SYCE2: variants seen among roughly 807,000 people sequenced by gnomAD.
The protein encoded by SYCE2 is synaptonemal complex central element protein 2.
In SYCE2, 3 loss-of-function variants were observed where a neutral mutation model predicts 27.9. The observed-to-expected ratio is 0.11, with a 90% confidence interval of 0.05 to 0.28. The LOEUF (loss-of-function observed/expected upper bound fraction) is 0.28. SYCE2 is among the 10% of genes least tolerant of loss of function. The pLI is 1.00. For synonymous variants in SYCE2, 85 were observed against 100.7 expected (o/e 0.84, Z 0.93); for missense variants, 207 against 263.5 (o/e 0.79, Z 1.48).
intron 2 of SYCE2, among the ~76,000 whole-genome samples, chr19:12,917,065 CT>C (rs774437768): frequency 0.011 from 1,450 of 128,458 alleles, 16 homozygotes; most frequent in African/African-American, 0.033. Context: ...TATATATATA[CT>C]TTTTTTTTTT....
chr19:12,908,607 A>G (rs1970985908), intron 2 of SYCE2, among the ~76,000 whole-genome samples: 1 of 151,854 alleles, frequency 6.6e-6, no homozygotes, highest in Non-Finnish European at 1.5e-5. Flanking sequence ...TACAGGCGTG[A>G]GCCACCGCGC....
chr19:12,905,432 T>G (rs925257800), intron 2 of SYCE2, among the ~76,000 whole-genome samples: 2 of 151,752 alleles, frequency 1.3e-5, no homozygotes, highest in African/African-American at 4.8e-5. Flanking sequence ...CCCGGGTTCA[T>G]GCCATTCTCC....
chr19:12,914,904 C>T (rs886201485), intron 2 of SYCE2, among the ~76,000 whole-genome samples: 1 of 152,196 alleles, frequency 6.6e-6, no homozygotes, highest in Admixed American at 6.6e-5. Flanking sequence ...CCATCGTGCC[C>T]GGCCTGCAGC....
chr19:12,899,251 A>G lies in SYCE2; in HGVS notation c.*90T>C. Reference sequence around the variant, plus strand: ...TTCTGCCAAGATGCATTATAGAACCATGAAAAACAATTTCTCAGTGTGGCC... The same window carrying G: ...TTCTGCCAAGATGCATTATAGAACCGTGAAAAACAATTTCTCAGTGTGGCC... On this transcript the variant is annotated 3_prime_UTR_variant, in exon 6 of 6. Transcript: ENST00000293695. The G allele has an allele frequency of 1.6e-6, 2 of 1,228,466 alleles. No homozygotes were observed. The highest frequency in any genetic ancestry group is 2.4e-6 in the Non-Finnish European group (2 of 833,930). 76.1% of individuals were successfully genotyped at this position (1,228,466 alleles called of 1,614,324 possible).
intron 2 of SYCE2, among the ~76,000 whole-genome samples, chr19:12,906,821 T>G (rs1479246513): frequency 6.7e-6 from 1 of 149,800 alleles, no homozygotes; most frequent in Non-Finnish European, 1.5e-5. Context: ...GGTACAAGAA[T>G]CGCTTGAACT....
chr19:12,907,687 G>A (rs1019864070), intron 2 of SYCE2, among the ~76,000 whole-genome samples: 4 of 152,102 alleles, frequency 2.6e-5, no homozygotes, highest in African/African-American at 7.2e-5. Context: ...GCTACTAGGC[G>A]GACTGAGGCA....
chr19:12,914,329 C>G (rs1171765357), intron 2 of SYCE2: 1 of 152,158 alleles, frequency 6.6e-6, no homozygotes, highest in Non-Finnish European at 1.5e-5. Context: ...AGCCTCCCAC[C>G]ATTAGCCAAT....
intron 5 of SYCE2, 103 bp downstream of exon 5, chr19:12,899,901 G>T (rs1324968000): frequency 2.5e-6 from 4 of 1,601,074 alleles, no homozygotes; most frequent in Non-Finnish European, 2.6e-6. Flanking sequence ...CCTCCCATCT[G>T]GGGGTAGTGC....
chr19:12,904,422 C>A, intron 3 of SYCE2, 70 bp downstream of exon 3: 2 of 1,585,696 alleles, frequency 1.3e-6, no homozygotes, highest in Non-Finnish European at 1.7e-6. Flanking sequence ...GTACAACAGA[C>A]ACCATCAGTG....
chr19:12,899,638 T>C (rs1424694641), intron 5 of SYCE2: 3 of 1,612,286 alleles, frequency 1.9e-6, no homozygotes, highest in Non-Finnish European at 2.5e-6. Flanking sequence ...GAAAGGGAGG[T>C]GGCGGATGGA....
At chr19:12,916,301 C>A (rs1568439808) in intron 2 of SYCE2, among the ~76,000 whole-genome samples, 1 of 151,968 alleles carries the variant, frequency 6.6e-6, no homozygotes, top group Non-Finnish European at 1.5e-5. Flanking sequence ...GAACTCCTGA[C>A]CTCGTGATCC....
intron 2 of SYCE2, chr19:12,904,876 G>A (rs558547550): frequency 2.2e-5 from 10 of 453,888 alleles, no homozygotes; most frequent in South Asian, 8.9e-5. Context: ...ACGGTGGCAC[G>A]TGCCTGTAGT....
intron 1 of SYCE2, 24 bp downstream of exon 1, chr19:12,919,219 G>C (rs1159308453): frequency 6.2e-7 from 1 of 1,610,404 alleles, no homozygotes; most frequent in Non-Finnish European, 8.5e-7. Flanking sequence ...CCCCACGCGC[G>C]AGAAGGAAAC....
At chr19:12,912,275 T>C (rs1040933592) in intron 2 of SYCE2, among the ~76,000 whole-genome samples, 7 of 151,774 alleles carry the variant, frequency 4.6e-5, no homozygotes, top group Non-Finnish European at 7.4e-5. Flanking sequence ...TCTGCAGCAA[T>C]TGGGGACCTA....
chr19:12,910,689 T>TA lies in SYCE2; in HGVS notation c.132-6024_132-6023insT, dbSNP rs1568437345. ...CGCCTGACCTTTTATATATATATAT[T>TA]TTTTTTGAGATGGAGTCTCGCTCTG... On this transcript the variant is annotated intron_variant, in intron 2 of 5. Coordinates refer to ENST00000293695, the MANE Select transcript of SYCE2 (RefSeq NM_001105578.2). 2.3e-4 allele frequency among the ~76,000 whole-genome samples: 34 copies of TA among 149,524 alleles called. No homozygotes were observed. The East Asian group carries it at 6.7e-3, about 29-fold the overall frequency.
chr19:12,917,361 T>A (rs1971155474), intron 2 of SYCE2, among the ~76,000 whole-genome samples: 1 of 151,644 alleles, frequency 6.6e-6, no homozygotes, highest in Admixed American at 6.6e-5. Flanking sequence ...GCCTACTAAA[T>A]TTTTCTTTTT....
intron 2 of SYCE2, among the ~76,000 whole-genome samples, chr19:12,916,998 C>T (rs745946968): frequency 1.4e-4 from 21 of 152,016 alleles, no homozygotes; most frequent in Middle Eastern, 3.4e-3. Flanking sequence ...TATCTGCCAG[C>T]GCCAGCCTCC....
chr19:12,901,960 G>T lies in SYCE2; in HGVS notation c.307-1312C>A, dbSNP rs183084470. On this transcript the variant is annotated intron_variant, in intron 3 of 5. Coordinates refer to ENST00000293695, the MANE Select transcript of SYCE2 (RefSeq NM_001105578.2). ...GCAAAAGTATATACAGTCGTGTGCT[G>T]CATAATGACATTTTGGTCAATGTCA... is the stretch of plus-strand genomic sequence containing the variant. 2.4e-3 allele frequency among the ~76,000 whole-genome samples: 368 copies of T among 152,186 alleles called. 2 individuals carry two copies. Among genetic ancestry groups the T allele is most frequent in the African/African-American group, 8.2e-3 (340 of 41,526 alleles).
chr19:12,906,886 G>A (rs1315992444), intron 2 of SYCE2, among the ~76,000 whole-genome samples: 3 of 151,972 alleles, frequency 2.0e-5, no homozygotes, highest in South Asian at 2.1e-4. Context: ...GTAAGACTTC[G>A]TCTCAAAAAT....
Sources: gnomAD v4.1 joint callset for allele counts (sites outside exome capture counted in the v4.1 genomes callset) on GRCh38, gnomAD v4.1.1 for gene constraint, MANE v1.5 for transcripts, NCBI Gene and HGNC (gene_info 2026-07-23, HGNC 2026-07-21) for gene names.